Variants in NPAS3 observed in about 807,000 individuals in gnomAD.
The protein encoded by NPAS3 is neuronal PAS domain protein 3, also known as neuronal PAS domain-containing protein 3.
Under a neutral mutation model 73.1 loss-of-function variants are expected in NPAS3, and 14 were observed. That is an observed-to-expected ratio of 0.19 (90% CI 0.13 to 0.30). The LOEUF (loss-of-function observed/expected upper bound fraction) is 0.30. Among genes scored for constraint, NPAS3 ranks in the 10% least tolerant of loss-of-function variants. The pLI, the probability that NPAS3 is intolerant of heterozygous loss-of-function variation, is 1.00. For synonymous variants in NPAS3, 620 were observed against 541.5 expected, an observed-to-expected ratio of 1.14 and a Z score of -2.01; for missense variants, 1,096 against 1,250.0, an observed-to-expected ratio of 0.88 and a Z score of 1.86.
intron 2 of NPAS3, among the ~76,000 whole-genome samples, chr14:33,206,144 G>C (rs370873535): frequency 6.6e-6 from 1 of 152,074 alleles, no homozygotes; most frequent in East Asian, 1.9e-4. Context: ...AATTTTATCA[G>C]TGACTTAATT....
At chr14:33,605,262 C>T (rs950234797) in intron 5 of NPAS3, among the ~76,000 whole-genome samples, 2 of 151,680 alleles carry the variant, frequency 1.3e-5, no homozygotes, top group African/African-American at 2.4e-5. Flanking sequence ...TGGTGAAAAA[C>T]GGAATGCCCT....
At chr14:33,411,550 C>T (rs1312533048) in intron 4 of NPAS3, among the ~76,000 whole-genome samples, 1 of 152,180 alleles carries the variant, frequency 6.6e-6, no homozygotes, top group Non-Finnish European at 1.5e-5. Context: ...GCCAGGGTTA[C>T]TGTTAAATAT....
Position 33,427,773 on chromosome 14 carries a change from T to C in NPAS3, c.468+60505T>C, listed in dbSNP as rs909023909. Among the ~76,000 whole-genome samples the C allele has an allele frequency of 1.4e-4, 21 of 152,196 alleles. No homozygotes were observed. In the South Asian group the frequency reaches 2.5e-3, roughly 18 times the overall value. ...CAGAAGAAGGGCTGGCACATATAGG[T>C]GCTCCAATAATATTTGTTGACTGAA... On this transcript the variant is annotated intron_variant, in intron 4 of 11. Transcript: ENST00000356141.
intron 3 of NPAS3, among the ~76,000 whole-genome samples, chr14:33,246,224 C>G (rs944527598): frequency 6.6e-6 from 1 of 152,120 alleles, no homozygotes; most frequent in Non-Finnish European, 1.5e-5. Flanking sequence ...GGAGCAGCAG[C>G]CCAGTGCCCA....
At chr14:33,686,520 T>A (rs1260414411) in intron 6 of NPAS3, among the ~76,000 whole-genome samples, 2 of 152,210 alleles carry the variant, frequency 1.3e-5, no homozygotes, top group Non-Finnish European at 2.9e-5. Context: ...CATTACTCAT[T>A]GACTACTCAC....
At chr14:32,988,982 C>G (rs1192942711) in intron 1 of NPAS3, among the ~76,000 whole-genome samples, 1 of 152,178 alleles carries the variant, frequency 6.6e-6, no homozygotes, top group Non-Finnish European at 1.5e-5. Context: ...ATGAGCTAGA[C>G]ATGGTATCTG....
chr14:33,219,596 T>C (rs2047347964), intron 3 of NPAS3, among the ~76,000 whole-genome samples: 1 of 152,224 alleles, frequency 6.6e-6, no homozygotes, highest in Non-Finnish European at 1.5e-5. Context: ...TTCCCTTCAC[T>C]ATTTCGGGCA....
chr14:33,379,613 T>C (rs904035215), intron 4 of NPAS3, among the ~76,000 whole-genome samples: 1 of 152,160 alleles, frequency 6.6e-6, no homozygotes, highest in Non-Finnish European at 1.5e-5. Context: ...TCAGTCAGTA[T>C]GGCCAGTGTT....
At chr14:33,039,281 G>C (rs1202902148) in intron 1 of NPAS3, among the ~76,000 whole-genome samples, 1 of 152,062 alleles carries the variant, frequency 6.6e-6, no homozygotes, top group Admixed American at 6.6e-5. Context: ...CTACAACATA[G>C]TTACATTTTT....
At chr14:33,379,574 C>A (rs1204198085) in intron 4 of NPAS3, among the ~76,000 whole-genome samples, 2 of 152,274 alleles carry the variant, frequency 1.3e-5, no homozygotes, top group East Asian at 3.9e-4. Context: ...GTGACACCAG[C>A]TGACTATCAT....
At chr14:33,126,350 G>A (rs1464242825) in intron 2 of NPAS3, among the ~76,000 whole-genome samples, 1 of 152,142 alleles carries the variant, frequency 6.6e-6, no homozygotes. Flanking sequence ...AGAACAAAAT[G>A]GATGCCGTTC....
chr14:33,138,124 T>A (rs553195050), intron 2 of NPAS3, among the ~76,000 whole-genome samples: 66 of 152,076 alleles, frequency 4.3e-4, no homozygotes, highest in African/African-American at 1.6e-3. Flanking sequence ...TACATATGTA[T>A]ACATTTGCCA....
chr14:33,195,770 A>G (rs1248361520), intron 2 of NPAS3, among the ~76,000 whole-genome samples: 1 of 152,362 alleles, frequency 6.6e-6, no homozygotes, highest in Non-Finnish European at 1.5e-5. Flanking sequence ...TGGTTAAGCC[A>G]GTTTTCATGT....
chr14:33,139,665 A>G (rs12887270), intron 2 of NPAS3, among the ~76,000 whole-genome samples: 61,526 of 152,072 alleles, frequency 0.4, 12,813 homozygotes, highest in African/African-American at 0.5. Context: ...TGCACAGTCC[A>G]GAATGGTAGC....
At chr14:33,231,797 A>T (rs1252770658) in intron 3 of NPAS3, among the ~76,000 whole-genome samples, 3 of 152,052 alleles carry the variant, frequency 2.0e-5, no homozygotes, top group African/African-American at 7.3e-5. Flanking sequence ...GTGTTCAAAG[A>T]CTCTTTAAGT....
At chr14:33,369,394 G>A (rs1214720113) in intron 4 of NPAS3, among the ~76,000 whole-genome samples, 3 of 68,390 alleles carry the variant, frequency 4.4e-5, no homozygotes, top group African/African-American at 1.4e-4. Context: ...TTATTTGAAG[G>A]CCTCATTTCC....
intron 2 of NPAS3, among the ~76,000 whole-genome samples, chr14:33,074,285 A>G (rs1255119722): frequency 6.6e-6 from 1 of 152,224 alleles, no homozygotes; most frequent in Non-Finnish European, 1.5e-5. Context: ...GGATAGGTAT[A>G]TATAACATAA....
chr14:33,788,333 C>T (rs1487600111), intron 9 of NPAS3, among the ~76,000 whole-genome samples: 1 of 152,164 alleles, frequency 6.6e-6, no homozygotes, highest in Non-Finnish European at 1.5e-5. Flanking sequence ...ATCGCCATGA[C>T]GATAATGAAG....
intron 4 of NPAS3, among the ~76,000 whole-genome samples, chr14:33,502,272 A>T (rs78128003): frequency 6.7e-6 from 1 of 149,672 alleles, no homozygotes; most frequent in African/African-American, 2.5e-5. Flanking sequence ...GCTCTCCCCC[A>T]TTTTTTTTTT....
Sources: gnomAD v4.1 joint callset for allele counts (sites outside exome capture counted in the v4.1 genomes callset) on GRCh38, gnomAD v4.1.1 for gene constraint, MANE v1.5 for transcripts, NCBI Gene and HGNC (gene_info 2026-07-23, HGNC 2026-07-21) for gene names.